Variants in SSBP2 observed in about 807,000 individuals in gnomAD.
SSBP2 encodes the protein single-stranded DNA-binding protein 2.
A neutral mutation model predicts 61.8 loss-of-function variants in SSBP2; 17 were observed. The ratio of observed to expected loss-of-function variants is 0.28; its 90% CI spans 0.19 to 0.41. The LOEUF (loss-of-function observed/expected upper bound fraction) is 0.41, where lower values mean the gene tolerates loss of function less well. Among genes scored for constraint, SSBP2 ranks in the 10% least tolerant of loss-of-function variants. The pLI, the probability that SSBP2 is intolerant of heterozygous loss-of-function variation, is 1.00. For missense variants in SSBP2, 310 were observed against 458.7 expected, an observed-to-expected ratio of 0.68 and a Z score of 2.96; for synonymous variants, 139 against 141.3, an observed-to-expected ratio of 0.98 and a Z score of 0.12.
intron 1 of SSBP2, among the ~76,000 whole-genome samples, chr5:81,678,228 AAAG>A (rs1752132564): frequency 1.3e-5 from 2 of 152,216 alleles, no homozygotes; most frequent in South Asian, 4.1e-4. Flanking sequence ...AATGAATCAA[AAAG>A]AAATTCTAGA....
chr5:81,584,640 T>A (rs1206181962), intron 4 of SSBP2, among the ~76,000 whole-genome samples: 2 of 152,162 alleles, frequency 1.3e-5, no homozygotes, highest in Non-Finnish European at 2.9e-5. Flanking sequence ...CCAGCACGGA[T>A]ATAAATGCTA....
intron 1 of SSBP2, among the ~76,000 whole-genome samples, chr5:81,743,074 C>T (rs891728351): frequency 6.6e-6 from 1 of 151,948 alleles, no homozygotes; most frequent in Non-Finnish European, 1.5e-5. Context: ...TTATAAAAGC[C>T]CCACTGTCCT....
At chr5:81,569,541 T>C (rs985116501) in intron 4 of SSBP2, among the ~76,000 whole-genome samples, 3 of 152,198 alleles carry the variant, frequency 2.0e-5, no homozygotes, top group African/African-American at 7.2e-5. Flanking sequence ...ACTAGTGATT[T>C]TCCCTAAACA....
At position 81,677,113 on chromosome 5, in the gene SSBP2, T is replaced by C. The variant is rs150327944; in HGVS notation, c.63-26774A>G. The stretch of plus-strand genomic sequence containing the variant: ...ATATTCGTTTAAGGCCTACTCTCCT[T>C]TTCCCCCAAATTTCAATACTCTTTA... On this transcript the variant is annotated intron_variant, in intron 1 of 16. Transcript: ENST00000320672. Among the ~76,000 whole-genome samples, 40 of 152,228 alleles carry C rather than the reference T, an allele frequency of 2.6e-4. 1 individual carries two copies. The East Asian group carries it at 7.3e-3, about 28-fold the overall frequency.
chr5:81,479,807 G>C (rs1183705260), intron 6 of SSBP2, among the ~76,000 whole-genome samples: 1 of 152,022 alleles, frequency 6.6e-6, no homozygotes, highest in Non-Finnish European at 1.5e-5. Context: ...AAAAAACTGA[G>C]GTTTAATATG....
intron 1 of SSBP2, among the ~76,000 whole-genome samples, chr5:81,677,568 T>C (rs910424498): frequency 2.0e-5 from 3 of 152,158 alleles, no homozygotes; most frequent in Non-Finnish European, 4.4e-5. Flanking sequence ...TCCACACTTT[T>C]GCAAGTTTTA....
intron 4 of SSBP2, among the ~76,000 whole-genome samples, chr5:81,586,259 CAA>C (rs1337530584): frequency 6.6e-6 from 1 of 152,038 alleles, no homozygotes; most frequent in Non-Finnish European, 1.5e-5. Context: ...TCATTCTCAC[CAA>C]AAGTGTACAG....
rs1396035528 is a variant in SSBP2 at position 81,447,230 on chromosome 5, T to A, written c.724-308A>T. ...ATTCAACAGGGTCTTTACAAATCCA[T>A]AAAACAGAAATAATTCATATGTATT... On this transcript the variant is annotated intron_variant, in intron 11 of 16. Coordinates refer to ENST00000320672, the MANE Select transcript of SSBP2 (RefSeq NM_012446.5). Among the ~76,000 whole-genome samples the A allele has an allele frequency of 2.0e-5, 3 of 152,298 alleles. No homozygotes were observed. In the South Asian group the frequency reaches 6.2e-4, roughly 32 times the overall value.
intron 1 of SSBP2, among the ~76,000 whole-genome samples, chr5:81,715,719 C>T (rs1386330213): frequency 1.3e-5 from 2 of 151,924 alleles, no homozygotes; most frequent in East Asian, 3.9e-4. Flanking sequence ...AATAACTGTA[C>T]TGGGAGGATG....
chr5:81,444,615 T>C (rs1309071570), intron 12 of SSBP2, among the ~76,000 whole-genome samples: 1 of 152,184 alleles, frequency 6.6e-6, no homozygotes, highest in Non-Finnish European at 1.5e-5. Flanking sequence ...TGGAATAAAC[T>C]CAATCACACA....
At chr5:81,720,556 A>G (rs1755477398) in intron 1 of SSBP2, among the ~76,000 whole-genome samples, 1 of 152,246 alleles carries the variant, frequency 6.6e-6, no homozygotes, top group Admixed American at 6.5e-5. Flanking sequence ...AAATTTCAAC[A>G]AAAGGAACAC....
At chr5:81,530,024 C>A (rs566727287) in intron 4 of SSBP2, among the ~76,000 whole-genome samples, 10 of 151,732 alleles carry the variant, frequency 6.6e-5, no homozygotes, top group Admixed American at 2.6e-4. Flanking sequence ...ACAGAGATAG[C>A]GATACAGAGA....
At chr5:81,491,137 A>C (rs1355614426) in intron 5 of SSBP2, among the ~76,000 whole-genome samples, 2 of 152,216 alleles carry the variant, frequency 1.3e-5, no homozygotes, top group African/African-American at 2.4e-5. Flanking sequence ...TAATTTAAAA[A>C]ATTTAATAAA....
chr5:81,432,989 G>GC (rs1328206216), intron 15 of SSBP2, among the ~76,000 whole-genome samples: 3 of 149,444 alleles, frequency 2.0e-5, no homozygotes, highest in Non-Finnish European at 4.5e-5. Context: ...AGGTGGGGGG[G>GC]GTCAGACTCC....
intron 2 of SSBP2, among the ~76,000 whole-genome samples, chr5:81,649,619 T>C (rs998440095): frequency 6.6e-6 from 1 of 151,864 alleles, no homozygotes; most frequent in Admixed American, 6.6e-5. Flanking sequence ...TACAGACTAC[T>C]AGAGGTGAGA....
chr5:81,547,470 AT>A (rs35317997), intron 4 of SSBP2, among the ~76,000 whole-genome samples: 70,586 of 150,660 alleles, frequency 0.47, 20,979 homozygotes, highest in African/African-American at 0.86. Context: ...TGGAGAAAAC[AT>A]TTTTTTTTTC....
intron 5 of SSBP2, among the ~76,000 whole-genome samples, chr5:81,506,189 C>T (rs2154076484): frequency 6.6e-6 from 1 of 152,084 alleles, no homozygotes; most frequent in South Asian, 2.1e-4. Context: ...AAGATCTGTT[C>T]TATTTTCAAC....
rs1173354494 is a variant in SSBP2 at position 81,413,847 on chromosome 5, C to T, written c.*6657G>A. Reference sequence around the variant, plus strand: ...GAATTGTTTTTTAATAAGTAGATGGCCAATTATATTTAACTGAGCAATTTT... The same window carrying T: ...GAATTGTTTTTTAATAAGTAGATGGTCAATTATATTTAACTGAGCAATTTT... On this transcript the variant is annotated 3_prime_UTR_variant, in exon 17 of 17. Coordinates refer to ENST00000320672, the MANE Select transcript of SSBP2 (RefSeq NM_012446.5). The T allele has an allele frequency of 1.3e-5, 2 of 151,956 alleles. No homozygotes were observed. The highest frequency in any genetic ancestry group is 1.9e-4 in the East Asian group (1 of 5,186). 9.4% of individuals were successfully genotyped at this position (151,956 alleles called of 1,614,324 possible).
intron 4 of SSBP2, among the ~76,000 whole-genome samples, chr5:81,607,915 A>C (rs1745033113): frequency 6.6e-6 from 1 of 152,206 alleles, no homozygotes; most frequent in Admixed American, 6.5e-5. Context: ...TGGGAAATGT[A>C]CTGGGTTACA....
Sources: allele counts gnomAD v4.1 joint callset (sites outside exome capture counted in the v4.1 genomes callset), GRCh38; gene constraint gnomAD v4.1.1; transcripts MANE v1.5; gene names NCBI Gene and HGNC (gene_info 2026-07-23, HGNC 2026-07-21).